The following COCH variants were observed in gnomAD, a reference collection of about 807,000 sequenced individuals.
The protein encoded by COCH is coagulation factor C homolog, cochlin (Limulus polyphemus).
In COCH, 40 loss-of-function variants were observed where a neutral mutation model predicts 54.8. The observed-to-expected ratio is 0.73, with a 90% CI of 0.57 to 0.95. The LOEUF (loss-of-function observed/expected upper bound fraction) is 0.95. Ranked by LOEUF, COCH falls within the 40% of genes least tolerant of loss-of-function variation. The pLI is 0.00. For missense variants in COCH, 605 were observed against 675.0 expected, an observed-to-expected ratio of 0.90 and a Z score of 1.15; for synonymous variants, 256 against 237.9, an observed-to-expected ratio of 1.08 and a Z score of -0.70.
At chr14:30,894,882 ATTTTCT>A (rs1275794596), downstream of COCH, 4 of 869,640 alleles carry the variant, frequency 4.6e-6, no homozygotes, top group Admixed American at 4.5e-5. Flanking sequence ...TTTAAGTTAA[ATTTTCT>A]TTTTCTTTTT....
rs753583403 is a variant in COCH at position 30,889,720 on chromosome 14, A to C, written c.1582A>C (p.Thr528Pro). The C allele has an allele frequency of 6.2e-7, 1 of 1,614,124 alleles. No homozygotes were observed. The highest frequency in any genetic ancestry group is 8.5e-7 in the Non-Finnish European group (1 of 1,179,964). Residue 528 changes from threonine to proline, a missense_variant, in exon 12 of 12, where the codon ACA becomes CCA. By Grantham distance (38) the Thr-to-Pro change is conservative (BLOSUM62 -1). Coordinates refer to ENST00000396618, the MANE Select transcript of COCH (RefSeq NM_004086.3). ...TCATGCTTTCTTCACAAGAGAGTTCACAGGATTAGAACCAATTGTTTCTGA... is the reference window on the plus strand; with the variant it reads ...TCATGCTTTCTTCACAAGAGAGTTCCCAGGATTAGAACCAATTGTTTCTGA... ...ESHAFFTREF[T>P]GLEPIVSDVI... is the part of the protein sequence containing the mutation.
At position 30,885,890 on chromosome 14, in the gene COCH, C is replaced by G. The variant is rs1045644; in HGVS notation, c.1055C>G (p.Thr352Ser). The G allele has an allele frequency of 0.59, 958,827 of 1,613,614 alleles. 295,272 individuals are homozygous for G. The highest frequency in any genetic ancestry group is 0.64 in the Non-Finnish European group (754,624 of 1,179,650). Residue 352 changes from threonine (T) to serine (S), a missense_variant, in exon 11 of 12, where the codon ACT (threonine) becomes AGT (serine). Coordinates refer to ENST00000396618, the MANE Select transcript of COCH (RefSeq NM_004086.3). ...AAGCCTCTGGTACAGAAGCTGTGCA[C>G]TCATGAACAAATGATGTGCAGCAAG... ...YVKPLVQKLC[T>S]HEQMMCSKTC...
rs765164378 is a variant in COCH at position 30,880,639 on chromosome 14, G to A, written c.534G>A (p.Gln178=). The A allele has an allele frequency of 2.5e-6, 4 of 1,614,110 alleles. No individual in the cohort carries two copies. The highest frequency in any genetic ancestry group is 2.2e-5 in the East Asian group (1 of 44,874). The change falls in exon 8 of 12, where the codon CAG becomes CAA. Residue 178 remains glutamine, a synonymous_variant. Transcript: ENST00000396618. ...TTGATGGAAGCTTTAATATTGGGCA[G>A]CGCCGATTTAATTTACAGAAGAATT... is the stretch of plus-strand genomic sequence containing the variant. ...FLIDGSFNIG[Q]RRFNLQKNFV...
intron 9 of COCH, 135 bp from the exon 10 acceptor site, chr14:30,885,259 C>CT (rs1895743548): frequency 6.2e-6 from 6 of 967,910 alleles, no homozygotes; most frequent in East Asian, 2.6e-5. Context: ...CTATATAATT[C>CT]TTTTTTGTGT....
At chr14:30,886,476 A>G (rs1895796613) in intron 11 of COCH, 164 bp downstream of exon 11, 1 of 797,680 alleles carries the variant, frequency 1.3e-6, no homozygotes, top group Non-Finnish European at 1.9e-6. Context: ...CAGATAAGGA[A>G]GCAAACTTCC....
intron 6 of COCH, among the ~76,000 whole-genome samples, 186 bp downstream of exon 6, chr14:30,879,671 TCTCA>T (rs941590695): frequency 9.2e-5 from 14 of 152,120 alleles, no homozygotes; most frequent in African/African-American, 3.1e-4. Flanking sequence ...AAAGACAGGG[TCTCA>T]CTCTGTTGCT....
chr14:30,878,741 G>A (rs1196979796), intron 4 of COCH, 70 bp from the exon 5 acceptor site: 1 of 1,606,088 alleles, frequency 6.2e-7, no homozygotes, highest in East Asian at 2.2e-5. Flanking sequence ...GATACAACAT[G>A]GCACTATAAG....
At chr14:30,887,956 T>C (rs531159965) in intron 11 of COCH, among the ~76,000 whole-genome samples, 1 of 152,278 alleles carries the variant, frequency 6.6e-6, no homozygotes, top group East Asian at 1.9e-4. Context: ...TTAGGTTGAT[T>C]AAAGTTCAGG....
At chr14:30,893,149 ATTTTTTTTTT>A (rs754080275), downstream of COCH, among the ~76,000 whole-genome samples, 11 of 91,268 alleles carry the variant, frequency 1.2e-4, no homozygotes, top group Admixed American at 6.9e-4. Flanking sequence ...AAAAACCACA[ATTTTTTTTTT>A]TTTTTTTTTT....
chr14:30,892,821 A>G (rs1484718962), downstream of COCH, among the ~76,000 whole-genome samples: 11 of 142,638 alleles, frequency 7.7e-5, no homozygotes, highest in Admixed American at 7.5e-4. Flanking sequence ...TCAAAAAAAA[A>G]AAACAAAAAA....
At chr14:30,875,172 T>A in intron 3 of COCH, 69 bp downstream of exon 3, 3 of 1,536,630 alleles carry the variant, frequency 2.0e-6, no homozygotes, top group Non-Finnish European at 2.6e-6. Flanking sequence ...CAAGCGGGAC[T>A]CAGATCCAGC....
chr14:30,887,747 T>G (rs1434193784), intron 11 of COCH, among the ~76,000 whole-genome samples: 1 of 152,244 alleles, frequency 6.6e-6, no homozygotes, highest in Non-Finnish European at 1.5e-5. Flanking sequence ...TGTACTCACA[T>G]ATTTTTACAG....
intron 9 of COCH, 121 bp from the exon 10 acceptor site, chr14:30,885,273 C>T: frequency 1.0e-6 from 1 of 987,212 alleles, no homozygotes; most frequent in Non-Finnish European, 1.6e-6. Flanking sequence ...TTTGTGTGCC[C>T]CGCCCCACTG....
Position 30,889,746 on chromosome 14 carries a change from T to C in COCH, c.1608T>C (p.Asp536=), listed in dbSNP as rs745850559. 14 of 1,613,476 alleles carry C rather than the reference T, an allele frequency of 8.7e-6. No homozygotes were observed. The highest frequency in any genetic ancestry group is 1.1e-5 in the South Asian group (1 of 91,066). Residue 536 remains aspartate (D), a synonymous_variant, in exon 12 of 12, where the codon GAT becomes GAC. Transcript: ENST00000396618. ...CAGGATTAGAACCAATTGTTTCTGA[T>C]GTCATCAGAGGCATTTGTAGAGATT... The part of the protein sequence containing the change: ...EFTGLEPIVS[D]VIRGICRDFL...
chr14:30,883,889 A>C (rs1895694747), intron 8 of COCH, among the ~76,000 whole-genome samples: 1 of 152,218 alleles, frequency 6.6e-6, no homozygotes, highest in Non-Finnish European at 1.5e-5. Flanking sequence ...AGAAAAACTC[A>C]ATATTGTAAC....
At position 30,885,587 on chromosome 14, in the gene COCH, G is replaced by A. The variant is rs149342451; in HGVS notation, c.927G>A (p.Leu309=). ...TGGCCAAGCCTATCCCTGAAGAACT[G>A]GGGATGGTTCAGGATGTCACATTTG... The part of the protein sequence containing the change: ...VSVAKPIPEE[L]GMVQDVTFVD... The change falls in exon 10 of 12, where the codon CTG becomes CTA. Residue 309 remains leucine (L), a synonymous_variant. Coordinates refer to ENST00000396618, the MANE Select transcript of COCH (RefSeq NM_004086.3). 13 of 1,607,156 alleles carry A rather than the reference G, an allele frequency of 8.1e-6. No homozygotes were observed. The African/African-American group carries it at 1.5e-4, about 18-fold the overall frequency.
rs764171622 is a variant in COCH at position 30,884,627 on chromosome 14, T to C, written c.704T>C (p.Val235Ala). Residue 235 changes from valine to alanine, a missense_variant, in exon 9 of 12, where the codon GTA (valine) becomes GCA (alanine). By Grantham distance (64) the Val-to-Ala change is moderately conservative (BLOSUM62 0). Coordinates refer to ENST00000396618, the MANE Select transcript of COCH (RefSeq NM_004086.3). ...AKDVLFAIKE[V>A]GFRGGNSNTG... ...GATGTTTTGTTTGCCATAAAGGAAG[T>C]AGGTTTCAGAGGGGGTAATTCCAAT... 13 of 1,613,378 alleles carry C rather than the reference T, an allele frequency of 8.1e-6. No homozygotes were observed. The highest frequency in any genetic ancestry group is 1.1e-5 in the Non-Finnish European group (13 of 1,179,514).
intron 9 of COCH, chr14:30,885,180 T>C: frequency 8.7e-7 from 1 of 1,151,066 alleles, no homozygotes; most frequent in Non-Finnish European, 1.2e-6. Flanking sequence ...TAATATGGCT[T>C]GTGAAGATAA....
At chr14:30,884,105 G>C (rs1334891631) in intron 8 of COCH, among the ~76,000 whole-genome samples, 3 of 152,136 alleles carry the variant, frequency 2.0e-5, no homozygotes, top group Non-Finnish European at 4.4e-5. Flanking sequence ...GCGGACTTCT[G>C]TTAAACCCGA....
Sources: gnomAD v4.1 joint callset for allele counts (sites outside exome capture counted in the v4.1 genomes callset) on GRCh38, gnomAD v4.1.1 for gene constraint, MANE v1.5 for transcripts, NCBI Gene and HGNC (gene_info 2026-07-23, HGNC 2026-07-21) for gene names.